ANO2: variants seen among roughly 807,000 people sequenced by gnomAD.
ANO2 encodes anoctamin-2.
A neutral mutation model predicts 124.2 loss-of-function variants in ANO2; 101 were observed. The ratio of observed to expected loss-of-function variants is 0.81; its 90% CI spans 0.69 to 0.96. The LOEUF is 0.96. Among genes scored for constraint, ANO2 ranks in the 40% least tolerant of loss-of-function variants. The pLI is 0.00. For synonymous variants in ANO2, 486 were observed against 482.5 expected (o/e 1.01, Z -0.09); for missense variants, 1,293 against 1,274.5 (o/e 1.01, Z -0.22).
chr12:5,733,712 G>C (rs1950740356), intron 13 of ANO2, among the ~76,000 whole-genome samples: 1 of 152,180 alleles, frequency 6.6e-6, no homozygotes, highest in South Asian at 2.1e-4. Flanking sequence ...TAAAACAACT[G>C]CAGGCGGTGC....
rs1335326854 is a variant in ANO2, at chr12:5,666,776, C to CA, written c.1546-18976dup. On this transcript the variant is annotated intron_variant, in intron 14 of 24. Coordinates refer to ENST00000682330, the MANE Select transcript of ANO2 (RefSeq NM_001364791.2). ...CTTTGCAGCAGCTGGCCCCCCCACC[C>CA]ACCCCAGCTTCTGGGAAGTGATCTC... Among the ~76,000 whole-genome samples the CA allele has an allele frequency of 2.7e-4, 41 of 150,298 alleles. 1 individual carries two copies. Among genetic ancestry groups the CA allele is most frequent in the African/African-American group, 9.8e-4 (40 of 40,760 alleles).
chr12:5,793,125 T>C (rs1234368867), intron 10 of ANO2, among the ~76,000 whole-genome samples: 1 of 152,166 alleles, frequency 6.6e-6, no homozygotes, highest in African/African-American at 2.4e-5. Flanking sequence ...TTTAAAGGGT[T>C]GACCTATACA....
chr12:5,827,620 C>G, intron 7 of ANO2, 149 bp downstream of exon 7: 2 of 931,072 alleles, frequency 2.1e-6, no homozygotes, highest in Non-Finnish European at 3.3e-6. Context: ...GGGGCCAAGG[C>G]AGGCTTCTCA....
chr12:5,725,095 T>TCA lies in ANO2; in HGVS notation c.1545+7424_1545+7425insTG, dbSNP rs752236358. 1.9e-3 allele frequency among the ~76,000 whole-genome samples: 86 copies of TCA among 46,090 alleles called. 1 individual carries two copies. The East Asian group carries it at 0.039, about 21-fold the overall frequency. 30.2% of individuals were successfully genotyped at this position (46,090 alleles called of 152,430 possible). A position where few individuals can be genotyped will look rare whatever the true frequency, so the allele number is the denominator to read the frequency against. The stretch of plus-strand genomic sequence containing the variant: ...GACATGGTCCCTCTCCTTGTCTCCC[T>TCA]CTCACACACACACACACACACACAC... On this transcript the variant is annotated intron_variant, in intron 14 of 24. Coordinates refer to ENST00000682330, the MANE Select transcript of ANO2 (RefSeq NM_001364791.2).
At chr12:5,840,558 C>G (rs962326685) in intron 4 of ANO2, among the ~76,000 whole-genome samples, 10 of 152,128 alleles carry the variant, frequency 6.6e-5, no homozygotes, top group Non-Finnish European at 1.5e-4. Context: ...GGTGCACAAA[C>G]ATTGGGAGAT....
intron 7 of ANO2, among the ~76,000 whole-genome samples, chr12:5,807,846 A>G (rs1953249925): frequency 6.6e-6 from 1 of 152,244 alleles, no homozygotes; most frequent in African/African-American, 2.4e-5. Context: ...TGAGGTGGGC[A>G]GGAAGCAACA....
intron 3 of ANO2, among the ~76,000 whole-genome samples, chr12:5,890,461 G>A (rs1440314608): frequency 3.3e-5 from 5 of 152,162 alleles, no homozygotes; most frequent in African/African-American, 9.7e-5. Context: ...ATATTCTTAG[G>A]CAACTCTGTC....
intron 22 of ANO2, 80 bp downstream of exon 22, chr12:5,577,875 C>T (rs1450050408): frequency 7.0e-7 from 1 of 1,434,086 alleles, no homozygotes; most frequent in Non-Finnish European, 9.6e-7. Flanking sequence ...GGTGCAAGGG[C>T]TGGCTTCCCA....
chr12:5,900,776 C>G lies in ANO2; in HGVS notation c.534+20264G>C, dbSNP rs1565761712. 2.0e-5 allele frequency among the ~76,000 whole-genome samples: 3 copies of G among 152,192 alleles called. No individual in the cohort carries two copies. The highest frequency in any genetic ancestry group is 4.8e-5 in the African/African-American group (2 of 41,452). On this transcript the variant is annotated intron_variant, in intron 3 of 24. Coordinates refer to ENST00000682330, the MANE Select transcript of ANO2 (RefSeq NM_001364791.2). This position sits in a 1 kb window ranked among gnomAD's most constrained non-coding sequence, Gnocchi z 4.2. ...CCCCTCTGGTGCTCAGTCACTTCAT[C>G]TGCTGAGTATTTAATTAGAACTGGT...
intron 14 of ANO2, among the ~76,000 whole-genome samples, chr12:5,661,033 C>T (rs11063801): frequency 6.6e-6 from 1 of 152,198 alleles, no homozygotes; most frequent in Non-Finnish European, 1.5e-5. Context: ...GCCCACAGAC[C>T]TGAAGAGCAG....
intron 23 of ANO2, among the ~76,000 whole-genome samples, chr12:5,568,712 C>T (rs1003944954): frequency 1.3e-5 from 2 of 152,302 alleles, no homozygotes; most frequent in Middle Eastern, 3.4e-3. Context: ...TTTCCACCAC[C>T]GTGATGCTGC....
chr12:5,576,047 C>T (rs143496833), intron 22 of ANO2, 32 bp from the exon 23 acceptor site: 5 of 1,559,790 alleles, frequency 3.2e-6, no homozygotes, highest in Middle Eastern at 1.7e-4. Flanking sequence ...ACTGAGTAGC[C>T]AGGATTGATG....
chr12:5,750,718 G>A, intron 11 of ANO2, 118 bp downstream of exon 11: 1 of 1,074,152 alleles, frequency 9.3e-7, no homozygotes, highest in Non-Finnish European at 1.3e-6. Context: ...TCATAGCGAA[G>A]GAGAATGATA....
intron 3 of ANO2, among the ~76,000 whole-genome samples, chr12:5,871,706 T>G (rs548277680): frequency 1.3e-5 from 2 of 152,308 alleles, no homozygotes; most frequent in South Asian, 4.1e-4. Flanking sequence ...AAAATTGTCT[T>G]CCATGAAACC....
intron 3 of ANO2, among the ~76,000 whole-genome samples, chr12:5,869,717 G>A (rs565269968): frequency 3.9e-5 from 6 of 152,248 alleles, no homozygotes; most frequent in South Asian, 2.1e-4. Flanking sequence ...ATGATGAGGC[G>A]GATGTGTCCC....
intron 7 of ANO2, among the ~76,000 whole-genome samples, chr12:5,823,263 T>C (rs1264982584): frequency 1.3e-5 from 2 of 152,204 alleles, no homozygotes; most frequent in Non-Finnish European, 2.9e-5. Flanking sequence ...CATTTCAGAA[T>C]TAACCCAAAA....
At chr12:5,672,582 T>TGC (rs1948063680) in intron 14 of ANO2, among the ~76,000 whole-genome samples, 1 of 138,646 alleles carries the variant, frequency 7.2e-6, no homozygotes, top group African/African-American at 2.5e-5. Flanking sequence ...AGTCAGCTCG[T>TGC]GTGTGTGTGT....
chr12:5,883,744 T>C (rs1010748687), intron 3 of ANO2, among the ~76,000 whole-genome samples: 1 of 152,200 alleles, frequency 6.6e-6, no homozygotes, highest in Non-Finnish European at 1.5e-5. Context: ...TTTCCCCATC[T>C]ATGAAATGAG....
chr12:5,824,416 T>C (rs1241303121), intron 7 of ANO2, among the ~76,000 whole-genome samples: 1 of 152,196 alleles, frequency 6.6e-6, no homozygotes, highest in East Asian at 1.9e-4. Context: ...ATAGTTCTAC[T>C]GATATCTAGG....
Sources: allele counts gnomAD v4.1 joint callset (sites outside exome capture counted in the v4.1 genomes callset), GRCh38; gene constraint gnomAD v4.1.1; non-coding constraint Gnocchi (gnomAD v3.1); transcripts MANE v1.5; gene names NCBI Gene and HGNC (gene_info 2026-07-23, HGNC 2026-07-21).